Variants in SMAP1 observed in about 807,000 individuals in gnomAD.
SMAP1 encodes small ArfGAP 1, also known as stromal membrane-associated protein 1.
In SMAP1, 24 loss-of-function variants were observed where a neutral mutation model predicts 58.5. That is an observed-to-expected ratio of 0.41 (90% CI 0.30 to 0.58). The LOEUF is 0.58. Among genes scored for constraint, SMAP1 ranks in the 20% least tolerant of loss-of-function variants. The pLI is 0.29. For synonymous variants in SMAP1, 216 were observed against 196.6 expected, an observed-to-expected ratio of 1.10 and a Z score of -0.82; for missense variants, 563 against 566.3, an observed-to-expected ratio of 0.99 and a Z score of 0.06.
rs1277347157 is a variant in SMAP1 at position 70,769,386 on chromosome 6, T to G, written c.339-3964T>G. ...TCCCATTATTATTGTGTGGGAGTCT[T>G]AAGTCTTTTTGTAGGTCACTCAGGA... On this transcript the variant is annotated intron_variant, in intron 3 of 10. Transcript: ENST00000370455. Among the ~76,000 whole-genome samples, 5 of 152,068 alleles carry G rather than the reference T, an allele frequency of 3.3e-5. No individual in the cohort carries two copies. The East Asian group carries it at 7.7e-4, about 23-fold the overall frequency.
chr6:70,732,582 A>G (rs558036032), intron 2 of SMAP1, 71 bp downstream of exon 2: 35 of 1,289,600 alleles, frequency 2.7e-5, no homozygotes, highest in Middle Eastern at 2.5e-4. Context: ...CCCTTCTTGC[A>G]TCTAAGGATT....
chr6:70,848,927 G>A (rs1466460402), intron 7 of SMAP1, among the ~76,000 whole-genome samples: 1 of 152,190 alleles, frequency 6.6e-6, no homozygotes, highest in African/African-American at 2.4e-5. Flanking sequence ...TTTAGGTTAA[G>A]AATTTGTTTT....
intron 1 of SMAP1, among the ~76,000 whole-genome samples, chr6:70,688,252 G>A (rs181199895): frequency 1.1e-4 from 17 of 152,240 alleles, no homozygotes; most frequent in Non-Finnish European, 1.2e-4. Context: ...TAAAAATAAA[G>A]CTGCTGTTAA....
At chr6:70,746,814 G>C (rs1766062175) in intron 2 of SMAP1, among the ~76,000 whole-genome samples, 1 of 151,846 alleles carries the variant, frequency 6.6e-6, no homozygotes, top group Non-Finnish European at 1.5e-5. Context: ...GATTTTTTTT[G>C]GTTGATAGGC....
At chr6:70,860,125 C>CAACT in intron 10 of SMAP1, 75 bp from the exon 11 acceptor site, 1 of 1,474,000 alleles carries the variant, frequency 6.8e-7, no homozygotes, top group Non-Finnish European at 9.0e-7. Flanking sequence ...AAAAAATGAC[C>CAACT]AACTGTGTGG....
chr6:70,709,136 G>A (rs1433522656), intron 1 of SMAP1, among the ~76,000 whole-genome samples: 2 of 151,878 alleles, frequency 1.3e-5, no homozygotes, highest in Non-Finnish European at 2.9e-5. Flanking sequence ...TTTTGCATTA[G>A]ATATTTAGTT....
chr6:70,858,688 CACTATTT>C (rs974239917), intron 10 of SMAP1: 49 of 154,986 alleles, frequency 3.2e-4, no homozygotes, highest in African/African-American at 1.2e-3. Context: ...ATTCTCAAAG[CACTATTT>C]TATGAGGGAT....
chr6:70,819,255 G>A (rs751894029), intron 6 of SMAP1, among the ~76,000 whole-genome samples: 1 of 150,472 alleles, frequency 6.6e-6, no homozygotes, highest in Non-Finnish European at 1.5e-5. Context: ...GCAAAGAAAT[G>A]GTCATTCTCT....
At chr6:70,758,427 G>T (rs1028501210) in intron 3 of SMAP1, among the ~76,000 whole-genome samples, 3 of 149,786 alleles carry the variant, frequency 2.0e-5, no homozygotes, top group African/African-American at 7.4e-5. Context: ...GCTAGATGAC[G>T]AGTTAGTGGG....
intron 4 of SMAP1, among the ~76,000 whole-genome samples, chr6:70,787,024 G>GCATCA (rs1166581246): frequency 1.1e-4 from 16 of 152,224 alleles, no homozygotes; most frequent in Admixed American, 9.2e-4. Flanking sequence ...AAAGCTGGAG[G>GCATCA]CATCACGCTA....
intron 9 of SMAP1, chr6:70,857,685 A>C: frequency 3.8e-6 from 2 of 522,904 alleles, no homozygotes; most frequent in South Asian, 2.3e-5. Flanking sequence ...TGGCTGTTGC[A>C]TATGATTTAC....
intron 1 of SMAP1, among the ~76,000 whole-genome samples, chr6:70,669,898 A>G (rs148349028): frequency 1.1e-3 from 175 of 152,250 alleles, no homozygotes; most frequent in African/African-American, 4.0e-3. Context: ...TCAGATTTTC[A>G]CTAATGCTTT....
chr6:70,737,287 A>G (rs1283805970), intron 2 of SMAP1, among the ~76,000 whole-genome samples: 1 of 152,138 alleles, frequency 6.6e-6, no homozygotes, highest in Non-Finnish European at 1.5e-5. Context: ...GACTACAGGC[A>G]TGAGCCACCA....
At chr6:70,703,636 T>C (rs1373744500) in intron 1 of SMAP1, among the ~76,000 whole-genome samples, 1 of 152,230 alleles carries the variant, frequency 6.6e-6, no homozygotes, top group Non-Finnish European at 1.5e-5. Flanking sequence ...TAGTTTCCTC[T>C]AATTGTTTTG....
intron 1 of SMAP1, among the ~76,000 whole-genome samples, chr6:70,680,970 A>G (rs562290497): frequency 6.6e-6 from 1 of 152,110 alleles, no homozygotes; most frequent in Non-Finnish European, 1.5e-5. Flanking sequence ...TGCCCGCCTT[A>G]GCCTCCCACA....
At chr6:70,844,321 G>A (rs1770909777) in intron 7 of SMAP1, among the ~76,000 whole-genome samples, 1 of 152,146 alleles carries the variant, frequency 6.6e-6, no homozygotes, top group Non-Finnish European at 1.5e-5. Context: ...AAATCAGAGT[G>A]CGTGTGTGTG....
intron 6 of SMAP1, among the ~76,000 whole-genome samples, chr6:70,804,495 C>T (rs1036844872): frequency 3.3e-5 from 5 of 151,980 alleles, no homozygotes; most frequent in Non-Finnish European, 5.9e-5. Flanking sequence ...AGCCCATTTA[C>T]GTTTAAGTTT....
intron 2 of SMAP1, among the ~76,000 whole-genome samples, chr6:70,745,535 C>T (rs1765994106): frequency 6.6e-6 from 1 of 152,076 alleles, no homozygotes; most frequent in Non-Finnish European, 1.5e-5. Context: ...TGGTCTATCT[C>T]TCTGTTTTGG....
chr6:70,694,303 C>T, intron 1 of SMAP1: 1 of 173,902 alleles, frequency 5.8e-6, no homozygotes, highest in Non-Finnish European at 1.2e-5. Flanking sequence ...TGGAACCCAG[C>T]AGATCAGATT....
Sources: gnomAD v4.1 joint callset for allele counts (sites outside exome capture counted in the v4.1 genomes callset) on GRCh38, gnomAD v4.1.1 for gene constraint, MANE v1.5 for transcripts, NCBI Gene and HGNC (gene_info 2026-07-23, HGNC 2026-07-21) for gene names.